Variants in ELOVL4 observed in about 807,000 individuals in gnomAD.
The protein encoded by ELOVL4 is very long chain fatty acid elongase 4.
A neutral mutation model predicts 42.1 loss-of-function variants in ELOVL4; 18 were observed. The ratio of observed to expected loss-of-function variants is 0.43; its 90% CI spans 0.30 to 0.63. ELOVL4 has a LOEUF of 0.63. Among genes scored for constraint, ELOVL4 ranks in the 30% least tolerant of loss-of-function variants. The pLI is 0.15. For missense variants in ELOVL4, 299 were observed against 376.2 expected, an observed-to-expected ratio of 0.79 and a Z score of 1.70; for synonymous variants, 117 against 127.0, an observed-to-expected ratio of 0.92 and a Z score of 0.53.
chr6:79,940,151 C>G (rs1774622603), intron 1 of ELOVL4, among the ~76,000 whole-genome samples: 1 of 152,082 alleles, frequency 6.6e-6, no homozygotes, highest in Non-Finnish European at 1.5e-5. Context: ...AACAGAAAAG[C>G]TTGTTTCTTG....
At chr6:79,919,632 A>T (rs959478627) in intron 4 of ELOVL4, 85 bp from the exon 5 acceptor site, 3 of 1,176,264 alleles carry the variant, frequency 2.6e-6, no homozygotes, top group Non-Finnish European at 3.7e-6. Flanking sequence ...ATGAATACAC[A>T]TTATTTTTTA....
intron 3 of ELOVL4, among the ~76,000 whole-genome samples, chr6:79,923,444 C>T (rs1646936512): frequency 6.6e-6 from 1 of 152,252 alleles, no homozygotes; most frequent in South Asian, 2.1e-4. Flanking sequence ...TGTTGCCCCA[C>T]CCAAGGGTTT....
chr6:79,924,139 GAAAAT>G (rs1453146540), intron 3 of ELOVL4, among the ~76,000 whole-genome samples: 2 of 152,078 alleles, frequency 1.3e-5, no homozygotes, highest in Non-Finnish European at 2.9e-5. Context: ...TAAGTGAATG[GAAAAT>G]AAAATATAAC....
At position 79,928,019 on chromosome 6, in the gene ELOVL4, T is replaced by G. The variant is rs76865416; in HGVS notation, c.101-1638A>C. 2.7e-3 allele frequency among the ~76,000 whole-genome samples: 406 copies of G among 152,324 alleles called. 2 individuals are homozygous for G. The highest frequency in any genetic ancestry group is 9.3e-3 in the African/African-American group (385 of 41,578). On this transcript the variant is annotated intron_variant, in intron 1 of 5. Coordinates refer to ENST00000369816, the MANE Select transcript of ELOVL4 (RefSeq NM_022726.4). ...TTAATGGCATTTTATCATTTTATGT[T>G]CATTATCATTCTATGACCATATCTT... is the stretch of plus-strand genomic sequence containing the variant.
At chr6:79,941,397 T>C (rs1774642718) in intron 1 of ELOVL4, among the ~76,000 whole-genome samples, 1 of 152,228 alleles carries the variant, frequency 6.6e-6, no homozygotes, top group Non-Finnish European at 1.5e-5. Flanking sequence ...CACAAGGCAA[T>C]GCTTCTGCAC....
rs576454229 is a variant in ELOVL4, at chr6:79,941,583, C to T, written c.100+5597G>A. On this transcript the variant is annotated intron_variant, in intron 1 of 5. Transcript: ENST00000369816. ...TCATTCTTTTAAAGAACTCTCTGGC[C>T]GGGCACAGTGGGTCGTGCCTGTAAT... is the stretch of plus-strand genomic sequence containing the variant. 5.3e-5 allele frequency among the ~76,000 whole-genome samples: 8 copies of T among 152,174 alleles called. No individual in the cohort carries two copies. In the South Asian group the frequency reaches 8.3e-4, roughly 16 times the overall value.
At chr6:79,933,737 C>T (rs1936470226) in intron 1 of ELOVL4, among the ~76,000 whole-genome samples, 1 of 152,170 alleles carries the variant, frequency 6.6e-6, no homozygotes, top group African/African-American at 2.4e-5. Flanking sequence ...GGACTGGACA[C>T]TATGATCTGA....
chr6:79,925,099 T>C (rs1054675915), intron 2 of ELOVL4, 67 bp from the exon 3 acceptor site: 15 of 1,021,498 alleles, frequency 1.5e-5, no homozygotes, highest in Middle Eastern at 2.5e-4. Context: ...CACAATTATA[T>C]ACAAAATGTA....
chr6:79,930,367 A>G (rs1244658495), intron 1 of ELOVL4, among the ~76,000 whole-genome samples: 2 of 152,180 alleles, frequency 1.3e-5, no homozygotes, highest in East Asian at 3.8e-4. Context: ...CAGGATTATC[A>G]TGGAAGCTAC....
chr6:79,943,777 G>A (rs1018531458), intron 1 of ELOVL4, among the ~76,000 whole-genome samples: 1 of 152,074 alleles, frequency 6.6e-6, no homozygotes. Context: ...CATAAGCCTG[G>A]CTTCCACATT....
chr6:79,927,907 G>C (rs1341843370), intron 1 of ELOVL4, among the ~76,000 whole-genome samples: 1 of 152,124 alleles, frequency 6.6e-6, no homozygotes, highest in East Asian at 1.9e-4. Context: ...TTCTCACAAG[G>C]AGGAAATGAC....
chr6:79,919,630 A>T, intron 4 of ELOVL4, 83 bp from the exon 5 acceptor site: 1 of 1,200,586 alleles, frequency 8.3e-7, no homozygotes, highest in Non-Finnish European at 1.2e-6. Flanking sequence ...AAATGAATAC[A>T]CATTATTTTT....
chr6:79,924,111 A>T (rs1387607461), intron 3 of ELOVL4, among the ~76,000 whole-genome samples: 1 of 152,224 alleles, frequency 6.6e-6, no homozygotes, highest in East Asian at 1.9e-4. Flanking sequence ...CTTTTGCTTA[A>T]TGTTAATTTT....
Position 79,916,237 on chromosome 6 carries a change from C to A in ELOVL4, c.*371G>T. ...TAATTAGTAATTTATCAAAATAATT[C>A]ATAAAGACCGTTTCTGTGATCGTCT... On this transcript the variant is annotated 3_prime_UTR_variant, in exon 6 of 6. Coordinates refer to ENST00000369816, the MANE Select transcript of ELOVL4 (RefSeq NM_022726.4). 4.8e-6 allele frequency: 1 copy of A among 209,222 alleles called. No individual in the cohort carries two copies. The highest frequency in any genetic ancestry group is 9.7e-6 in the Non-Finnish European group (1 of 102,586). 13.0% of individuals were successfully genotyped at this position (209,222 alleles called of 1,614,324 possible). A position where few individuals can be genotyped will look rare whatever the true frequency, so the allele number is the denominator to read the frequency against.
intron 4 of ELOVL4, 131 bp downstream of exon 4, chr6:79,921,487 AAAGAAAT>A: frequency 7.2e-6 from 4 of 559,302 alleles, no homozygotes; most frequent in Admixed American, 3.6e-5. Flanking sequence ...AAAAAAAAAA[AAAGAAAT>A]GAACATGGAA....
intron 1 of ELOVL4, among the ~76,000 whole-genome samples, chr6:79,936,402 T>C (rs962448192): frequency 6.6e-6 from 1 of 152,166 alleles, no homozygotes; most frequent in African/African-American, 2.4e-5. Context: ...CACAAAAAGG[T>C]TACCTATTAG....
Position 79,931,785 on chromosome 6 carries a change from A to T in ELOVL4, c.101-5404T>A, listed in dbSNP as rs9443727. 6.4e-3 allele frequency among the ~76,000 whole-genome samples: 973 copies of T among 152,328 alleles called. 13 individuals carry two copies. The highest frequency in any genetic ancestry group is 0.022 in the African/African-American group (915 of 41,576). On this transcript the variant is annotated intron_variant, in intron 1 of 5. Coordinates refer to ENST00000369816, the MANE Select transcript of ELOVL4 (RefSeq NM_022726.4). ...TTTAATCTCCATTTTCAGAGAGAGG[A>T]ATTAGAACCAACAGAAGTTATAGGA... is the stretch of plus-strand genomic sequence containing the variant.
intron 1 of ELOVL4, among the ~76,000 whole-genome samples, chr6:79,927,809 T>C (rs1029563736): frequency 6.6e-5 from 10 of 152,206 alleles, no homozygotes; most frequent in African/African-American, 2.4e-4. Context: ...CTACTATTCA[T>C]AGAGATTATG....
intron 3 of ELOVL4, among the ~76,000 whole-genome samples, chr6:79,924,170 TTTTA>T (rs1372686772): frequency 6.6e-6 from 1 of 152,312 alleles, no homozygotes. Flanking sequence ...GTTACTAGTG[TTTTA>T]TTTTTCTGCA....
Sources: gnomAD v4.1 joint callset for allele counts (sites outside exome capture counted in the v4.1 genomes callset) on GRCh38, gnomAD v4.1.1 for gene constraint, MANE v1.5 for transcripts, NCBI Gene and HGNC (gene_info 2026-07-23, HGNC 2026-07-21) for gene names.